The following DCLK1 variants were observed in gnomAD, a reference collection of about 807,000 sequenced individuals.
The protein encoded by DCLK1 is serine/threonine-protein kinase DCLK1.
A neutral mutation model predicts 86.2 loss-of-function variants in DCLK1; 16 were observed. The ratio of observed to expected loss-of-function variants is 0.19; its 90% CI spans 0.13 to 0.28. The LOEUF (loss-of-function observed/expected upper bound fraction) is 0.28. Among genes scored for constraint, DCLK1 ranks in the 10% least tolerant of loss-of-function variants. The probability of loss-of-function intolerance (pLI) is 1.00; values close to 1 mark genes in which losing one functional copy is unlikely to be tolerated. For synonymous variants in DCLK1, 369 were observed against 370.5 expected, an observed-to-expected ratio of 1.00 and a Z score of 0.05; for missense variants, 590 against 940.2, an observed-to-expected ratio of 0.63 and a Z score of 4.87.
chr13:36,057,703 T>G (rs1192755880), intron 3 of DCLK1, among the ~76,000 whole-genome samples: 3 of 152,290 alleles, frequency 2.0e-5, no homozygotes, highest in Non-Finnish European at 2.9e-5. Flanking sequence ...ATGGAATAGA[T>G]TAAAGCCATG....
At chr13:35,847,255 T>C (rs1009579405) in intron 6 of DCLK1, 3 of 985,196 alleles carry the variant, frequency 3.0e-6, no homozygotes, top group Admixed American at 6.2e-5. Context: ...GCCATACCAG[T>C]TGAGCAAACT....
At chr13:35,850,871 TCTA>T (rs1226530502) in intron 6 of DCLK1, 1 of 1,062,940 alleles carries the variant, frequency 9.4e-7, no homozygotes, top group East Asian at 2.8e-5. Flanking sequence ...ATCCCCAGTT[TCTA>T]CTATTATTAG....
chr13:35,796,762 C>A (rs73176164), intron 15 of DCLK1, among the ~76,000 whole-genome samples: 3,837 of 152,266 alleles, frequency 0.025, 70 homozygotes, highest in Non-Finnish European at 0.041. Context: ...AGGATGCTCA[C>A]TAGCATGGCA....
intron 8 of DCLK1, among the ~76,000 whole-genome samples, chr13:35,833,546 C>G (rs532025021): frequency 2.5e-4 from 38 of 152,292 alleles, no homozygotes; most frequent in Admixed American, 7.2e-4. Context: ...GGGCAGAAAT[C>G]TAAATGGACC....
chr13:35,873,770 C>A (rs1160418388), intron 4 of DCLK1, among the ~76,000 whole-genome samples: 4 of 152,120 alleles, frequency 2.6e-5, no homozygotes, highest in Non-Finnish European at 5.9e-5. Context: ...AAAATCTTTG[C>A]CAATTTCTAA....
At chr13:35,894,409 G>A (rs1873826303) in intron 4 of DCLK1, among the ~76,000 whole-genome samples, 1 of 152,220 alleles carries the variant, frequency 6.6e-6, no homozygotes, top group Admixed American at 6.5e-5. Flanking sequence ...TTCCCAGGGT[G>A]TAACTGGCAC....
At chr13:35,850,279 A>C (rs1870510406) in intron 6 of DCLK1, 3 of 984,816 alleles carry the variant, frequency 3.0e-6, no homozygotes, top group Non-Finnish European at 3.6e-6. Context: ...TTTAGAAAAA[A>C]TATGCCTGCT....
chr13:35,807,877 A>G (rs1357543255), intron 14 of DCLK1, among the ~76,000 whole-genome samples: 1 of 152,218 alleles, frequency 6.6e-6, no homozygotes, highest in Non-Finnish European at 1.5e-5. Context: ...AAATTAAGTC[A>G]TTAAGTCAAG....
At chr13:35,775,044 G>A (rs2086400118) in intron 16 of DCLK1, among the ~76,000 whole-genome samples, 1 of 152,114 alleles carries the variant, frequency 6.6e-6, no homozygotes, top group Non-Finnish European at 1.5e-5. Context: ...CTCTGAAAAG[G>A]GGTGCCTGAG....
intron 3 of DCLK1, among the ~76,000 whole-genome samples, chr13:36,106,514 T>A (rs1345473054): frequency 6.6e-6 from 1 of 152,158 alleles, no homozygotes; most frequent in Non-Finnish European, 1.5e-5. Flanking sequence ...GTATCAACTG[T>A]TTTTTTACTC....
intron 3 of DCLK1, among the ~76,000 whole-genome samples, chr13:36,032,302 C>T (rs757519232): frequency 3.3e-5 from 5 of 151,804 alleles, no homozygotes; most frequent in East Asian, 3.9e-4. Context: ...CCACCAGGCC[C>T]GGCTAATTTT....
At chr13:36,001,269 C>G (rs889539990) in intron 3 of DCLK1, among the ~76,000 whole-genome samples, 1 of 152,148 alleles carries the variant, frequency 6.6e-6, no homozygotes, top group Non-Finnish European at 1.5e-5. Context: ...TCTTTAGGAG[C>G]AGTAACAAAA....
At chr13:36,108,695 A>C (rs549986863) in intron 3 of DCLK1, among the ~76,000 whole-genome samples, 1 of 152,218 alleles carries the variant, frequency 6.6e-6, no homozygotes, top group Non-Finnish European at 1.5e-5. Flanking sequence ...CAAGCAATTC[A>C]TTTTTTAAAC....
At chr13:36,120,879 T>C (rs1274659000) in intron 2 of DCLK1, among the ~76,000 whole-genome samples, 3 of 152,200 alleles carry the variant, frequency 2.0e-5, no homozygotes, top group Non-Finnish European at 4.4e-5. Flanking sequence ...TTGTTGAGGA[T>C]AGAGAAACGG....
chr13:35,817,778 T>C (rs990065026), intron 11 of DCLK1, among the ~76,000 whole-genome samples: 3 of 152,138 alleles, frequency 2.0e-5, no homozygotes, highest in African/African-American at 7.2e-5. Context: ...GGCATATGAA[T>C]ATTTTTAGCA....
At chr13:35,954,369 G>C (rs1372444276) in intron 3 of DCLK1, among the ~76,000 whole-genome samples, 1 of 152,094 alleles carries the variant, frequency 6.6e-6, no homozygotes, top group Non-Finnish European at 1.5e-5. Flanking sequence ...TAAATTGAGA[G>C]GAGGTTCCTC....
chr13:36,078,719 T>C (rs1342076533), intron 3 of DCLK1, among the ~76,000 whole-genome samples: 1 of 152,212 alleles, frequency 6.6e-6, no homozygotes, highest in Non-Finnish European at 1.5e-5. Flanking sequence ...TAGCTCTTGG[T>C]AGACAGACTT....
rs772806576 is a variant in DCLK1, at chr13:35,876,887, A to G, written c.824-5547T>C. Among the ~76,000 whole-genome samples the G allele has an allele frequency of 1.2e-4, 18 of 152,180 alleles. 1 individual carries two copies. Among genetic ancestry groups the G allele is most frequent in the Admixed American group, 2.6e-4 (4 of 15,276 alleles). On this transcript the variant is annotated intron_variant, in intron 4 of 16. Coordinates refer to ENST00000360631, the MANE Select transcript of DCLK1 (RefSeq NM_001330071.2). ...ATGACCCAGACTCTCCTTAAGAAAG[A>G]TGACACCGAAGGACTGTAGGTAAGC... is the stretch of plus-strand genomic sequence containing the variant.
intron 6 of DCLK1, 96 bp from the exon 7 acceptor site, chr13:35,839,272 GC>G (rs1869622736): frequency 1.8e-6 from 2 of 1,087,936 alleles, no homozygotes; most frequent in Non-Finnish European, 2.7e-6. Context: ...AGAAAACTTT[GC>G]CCATGCTAGG....
Sources: gnomAD v4.1 joint callset for allele counts (sites outside exome capture counted in the v4.1 genomes callset) on GRCh38, gnomAD v4.1.1 for gene constraint, MANE v1.5 for transcripts, NCBI Gene and HGNC (gene_info 2026-07-23, HGNC 2026-07-21) for gene names.